The following ZCCHC24 variants were observed in gnomAD, a reference collection of about 807,000 sequenced individuals.
The protein encoded by ZCCHC24 is zinc finger CCHC domain-containing protein 24.
In ZCCHC24, 10 loss-of-function variants were observed where a neutral mutation model predicts 26.2. That is an observed-to-expected ratio of 0.38 (90% confidence interval 0.24 to 0.65). The LOEUF is 0.65. Ranked by LOEUF, ZCCHC24 falls within the 30% of genes least tolerant of loss-of-function variation. ZCCHC24 has a pLI of 0.54. For missense variants in ZCCHC24, 243 were observed against 329.1 expected (o/e 0.74, Z 2.03); for synonymous variants, 144 against 147.1 (o/e 0.98, Z 0.15).
At position 79,445,571 on chromosome 10, in the gene ZCCHC24, T is replaced by A. The variant is rs878898443; in HGVS notation, c.-131A>T. On this transcript the variant is annotated 5_prime_UTR_variant, in exon 1 of 4. Coordinates refer to ENST00000372336, the MANE Select transcript of ZCCHC24 (RefSeq NM_153367.4). ...CCCCGACGGTGATCGCCCCGCGCCC[T>A]GCGCCCCGCGCGCTGCCCGCAGCCG... 3 of 801,586 alleles carry A rather than the reference T, an allele frequency of 3.7e-6. No homozygotes were observed. In the South Asian group the frequency reaches 1.7e-4, roughly 45 times the overall value. 49.7% of individuals were successfully genotyped at this position (801,586 alleles called of 1,614,324 possible). A position where few individuals can be genotyped will look rare whatever the true frequency, so the allele number is the denominator to read the frequency against.
At chr10:79,410,469 G>C (rs1856774865) in intron 2 of ZCCHC24, among the ~76,000 whole-genome samples, 1 of 152,220 alleles carries the variant, frequency 6.6e-6, no homozygotes, top group Admixed American at 6.5e-5. Context: ...AGAGCCCCAT[G>C]TTCTGGGAGC....
chr10:79,425,734 G>A (rs1857018556), intron 2 of ZCCHC24, among the ~76,000 whole-genome samples: 1 of 152,106 alleles, frequency 6.6e-6, no homozygotes, highest in South Asian at 2.1e-4. Context: ...CTAATACATA[G>A]AATATGCTAA....
Position 79,445,391 on chromosome 10 carries a change from G to T in ZCCHC24, c.50C>A (p.Pro17His). The T allele has an allele frequency of 6.6e-7, 1 of 1,516,934 alleles. No homozygotes were observed. Among genetic ancestry groups the T allele is most frequent in the Non-Finnish European group, 8.8e-7 (1 of 1,132,768 alleles). The allele number at this position is 1,516,934 out of a possible 1,614,324, so 94.0% of individuals were successfully genotyped here. A position where few individuals can be genotyped will look rare whatever the true frequency, so the allele number is the denominator to read the frequency against. ...IDTSAASVYQPAQLLNWVYLS... is the reference protein window; with the variant it reads ...IDTSAASVYQHAQLLNWVYLS... ...GTAGACCCAGTTGAGCAGCTGGGCG[G>T]GCTGGTACACCGAGGCGGCGCTCGT... The change falls in exon 1 of 4, where the codon CCC becomes CAC. Residue 17 changes from proline to histidine, a missense_variant. Pro to His is a moderately conservative substitution (Grantham distance 77). Coordinates refer to ENST00000372336, the MANE Select transcript of ZCCHC24 (RefSeq NM_153367.4).
At chr10:79,400,476 T>G (rs550551076) in intron 2 of ZCCHC24, among the ~76,000 whole-genome samples, 1 of 152,232 alleles carries the variant, frequency 6.6e-6, no homozygotes. Flanking sequence ...AGATAACCGC[T>G]GCACAAGAAC....
At chr10:79,397,987 A>T (rs144278212) in intron 2 of ZCCHC24, among the ~76,000 whole-genome samples, 52 of 152,328 alleles carry the variant, frequency 3.4e-4, no homozygotes, top group African/African-American at 1.1e-3. Flanking sequence ...GATGAAAGAG[A>T]AGAGCGAGGG....
chr10:79,399,809 G>T (rs1469789173), intron 2 of ZCCHC24, among the ~76,000 whole-genome samples: 4 of 152,236 alleles, frequency 2.6e-5, no homozygotes, highest in Non-Finnish European at 4.4e-5. Context: ...GAAGAGATGT[G>T]GAGGAGGCTC....
intron 2 of ZCCHC24, among the ~76,000 whole-genome samples, chr10:79,421,466 T>TCCTCCCTCCCTC (rs1856935816): frequency 7.0e-6 from 1 of 143,732 alleles, no homozygotes; most frequent in Non-Finnish European, 1.5e-5. Flanking sequence ...CTCCCTCCCT[T>TCCTCCCTCCCTC]CTTTCCTTTC....
At position 79,386,023 on chromosome 10, in the gene ZCCHC24, C is replaced by T. The variant is rs922926873; in HGVS notation, c.*322G>A. 1.0e-4 allele frequency: 53 copies of T among 514,800 alleles called. No individual in the cohort carries two copies. The highest frequency in any genetic ancestry group is 1.4e-4 in the Non-Finnish European group (41 of 287,280). 31.9% of individuals were successfully genotyped at this position (514,800 alleles called of 1,614,324 possible). A position where few individuals can be genotyped will look rare whatever the true frequency, so the allele number is the denominator to read the frequency against. On this transcript the variant is annotated 3_prime_UTR_variant, in exon 4 of 4. Transcript: ENST00000372336. ...TACAAGGCTGCTCACCCCAAAGAGG[C>T]TCTCAGAGGCGAGCCTGTGGGGACA... is the stretch of plus-strand genomic sequence containing the variant.
chr10:79,390,900 C>T (rs575929906), intron 3 of ZCCHC24, among the ~76,000 whole-genome samples: 18 of 152,122 alleles, frequency 1.2e-4, no homozygotes, highest in Non-Finnish European at 2.1e-4. Context: ...ATAAACCAGC[C>T]CTCTCCACCG....
intron 1 of ZCCHC24, among the ~76,000 whole-genome samples, chr10:79,435,218 TATTTTTA>T (rs1857199905): frequency 6.6e-6 from 1 of 152,140 alleles, no homozygotes. Context: ...CTTTTTTTTT[TATTTTTA>T]TTTTTTTTCC....
chr10:79,405,931 T>A (rs1437351043), intron 2 of ZCCHC24, among the ~76,000 whole-genome samples: 2 of 152,238 alleles, frequency 1.3e-5, no homozygotes, highest in Admixed American at 1.3e-4. Context: ...GCTGTGGGCG[T>A]GACTTCCAGC....
At chr10:79,445,150 G>GGTGGGGCT in intron 1 of ZCCHC24, 45 bp downstream of exon 1, 1 of 1,263,668 alleles carries the variant, frequency 7.9e-7, no homozygotes. Flanking sequence ...ACGGTGGGGC[G>GGTGGGGCT]GTGGGGCGGT....
intron 2 of ZCCHC24, among the ~76,000 whole-genome samples, chr10:79,396,725 G>T (rs934234703): frequency 6.6e-6 from 1 of 152,228 alleles, no homozygotes; most frequent in Admixed American, 6.5e-5. Flanking sequence ...CGTTAAAGAA[G>T]TGCTGGGCTA....
rs182601841 is a variant in ZCCHC24 at position 79,442,816 on chromosome 10, C to T, written c.246+2379G>A. 2.4e-3 allele frequency among the ~76,000 whole-genome samples: 372 copies of T among 152,204 alleles called. 2 individuals are homozygous for T. The highest frequency in any genetic ancestry group is 6.8e-3 in the Middle Eastern group (2 of 294). On this transcript the variant is annotated intron_variant, in intron 1 of 3. Transcript: ENST00000372336. Reference sequence around the variant, plus strand: ...ATTAGGTCACCAGCTAAGCCCTGGGCGCAGGAAAGGCCTGTCCTCAGGAAC... The same window carrying T: ...ATTAGGTCACCAGCTAAGCCCTGGGTGCAGGAAAGGCCTGTCCTCAGGAAC...
rs1856670371 is a variant in ZCCHC24, at chr10:79,403,717, G to A, written c.448-9277C>T. 2.0e-5 allele frequency among the ~76,000 whole-genome samples: 3 copies of A among 152,196 alleles called. No individual in the cohort carries two copies. In the South Asian group the frequency reaches 6.2e-4, roughly 32 times the overall value. On this transcript the variant is annotated intron_variant, in intron 2 of 3. Transcript: ENST00000372336. ...GCTGCAGCCCAGCATGGGCCCAGAAGGCCTGGCCTCTTGTCACCCCTCCCA... is the reference window on the plus strand; with the variant it reads ...GCTGCAGCCCAGCATGGGCCCAGAAAGCCTGGCCTCTTGTCACCCCTCCCA...
Position 79,418,435 on chromosome 10 carries a change from C to T in ZCCHC24, c.447+14123G>A, listed in dbSNP as rs183319201. ...CTGCCTGCCAGGCAGACACAGACCT[C>T]GCCTGGGAAGTGACCTCAGGAAGTA... On this transcript the variant is annotated intron_variant, in intron 2 of 3. Coordinates refer to ENST00000372336, the MANE Select transcript of ZCCHC24 (RefSeq NM_153367.4). 3.0e-3 allele frequency among the ~76,000 whole-genome samples: 456 copies of T among 152,304 alleles called. 4 individuals are homozygous for T. The highest frequency in any genetic ancestry group is 0.01 in the African/African-American group (431 of 41,562).
intron 1 of ZCCHC24, among the ~76,000 whole-genome samples, chr10:79,443,331 G>T (rs957288296): frequency 1.3e-5 from 2 of 152,192 alleles, no homozygotes; most frequent in East Asian, 3.8e-4. Flanking sequence ...GGGTACTCTT[G>T]ATGGTTCCAA....
chr10:79,399,412 G>T (rs534367718), intron 2 of ZCCHC24, among the ~76,000 whole-genome samples: 1 of 152,212 alleles, frequency 6.6e-6, no homozygotes, highest in Admixed American at 6.5e-5. Flanking sequence ...CCACCCGCCC[G>T]GCTGGGAAGG....
intron 2 of ZCCHC24, among the ~76,000 whole-genome samples, chr10:79,422,963 A>G (rs942441001): frequency 3.9e-5 from 6 of 152,184 alleles, no homozygotes; most frequent in Non-Finnish European, 7.3e-5. Flanking sequence ...GCAAAGAGAC[A>G]GCTTAGGAAA....
Sources: allele counts gnomAD v4.1 joint callset (sites outside exome capture counted in the v4.1 genomes callset), GRCh38; gene constraint gnomAD v4.1.1; transcripts MANE v1.5; gene names NCBI Gene and HGNC (gene_info 2026-07-23, HGNC 2026-07-21).